The following CCDC85C variants were observed in gnomAD, a reference collection of about 807,000 sequenced individuals.
CCDC85C encodes the protein coiled-coil domain-containing protein 85C.
Under a neutral mutation model 38.3 loss-of-function variants are expected in CCDC85C, and 18 were observed. The ratio of observed to expected loss-of-function variants is 0.47; its 90% CI spans 0.33 to 0.70. The LOEUF (loss-of-function observed/expected upper bound fraction) is 0.70, where lower values mean the gene tolerates loss of function less well. Ranked by LOEUF, CCDC85C falls within the 30% of genes least tolerant of loss-of-function variation. CCDC85C has a pLI of 0.03. For missense variants in CCDC85C, 566 were observed against 621.2 expected (o/e 0.91, Z 0.94); for synonymous variants, 264 against 293.8 (o/e 0.90, Z 1.04).
chr14:99,534,988 G>T (rs1566764695), intron 2 of CCDC85C: 4 of 448,860 alleles, frequency 8.9e-6, no homozygotes, highest in Non-Finnish European at 4.0e-6. Flanking sequence ...ATCCCACCAG[G>T]CCCTGGGAAC....
chr14:99,517,636 G>A (rs1175092580), intron 3 of CCDC85C, among the ~76,000 whole-genome samples: 2 of 152,188 alleles, frequency 1.3e-5, no homozygotes, highest in African/African-American at 2.4e-5. Flanking sequence ...GGGCGAGGCC[G>A]GCTTCGCCCT....
chr14:99,565,949 C>T (rs563485721), intron 1 of CCDC85C, among the ~76,000 whole-genome samples: 6 of 152,336 alleles, frequency 3.9e-5, no homozygotes, highest in South Asian at 2.1e-4. Flanking sequence ...CTGCTGCGCC[C>T]GTCTGCTCCA....
At chr14:99,586,761 G>A (rs1467031789) in intron 1 of CCDC85C, among the ~76,000 whole-genome samples, 2 of 152,136 alleles carry the variant, frequency 1.3e-5, no homozygotes, top group Non-Finnish European at 2.9e-5. Flanking sequence ...TGTGTCGGCG[G>A]GGGACCCCCA....
At chr14:99,519,643 A>G (rs921138679) in intron 3 of CCDC85C, among the ~76,000 whole-genome samples, 2 of 152,160 alleles carry the variant, frequency 1.3e-5, no homozygotes, top group Non-Finnish European at 2.9e-5. Context: ...GAGCCCAAAC[A>G]TGGAAACGAT....
At chr14:99,550,570 G>A (rs749156880) in intron 1 of CCDC85C, among the ~76,000 whole-genome samples, 5 of 152,220 alleles carry the variant, frequency 3.3e-5, no homozygotes, top group Non-Finnish European at 7.3e-5. Context: ...ATGGCTGTGT[G>A]ACTTTAGGTT....
rs1372479261 is a variant in CCDC85C, at chr14:99,501,462, A to G, written c.*13784T>C. On this transcript the variant is annotated 3_prime_UTR_variant, in exon 6 of 6. Coordinates refer to ENST00000380243, the MANE Select transcript of CCDC85C (RefSeq NM_001144995.2). Reference sequence around the variant, plus strand: ...AATTACAGTATTTTAAAATAGGCAGAGACTTTATGGACCATTTCATCTAAA... The same window carrying G: ...AATTACAGTATTTTAAAATAGGCAGGGACTTTATGGACCATTTCATCTAAA... 1 of 1,212,752 alleles carries G rather than the reference A, an allele frequency of 8.2e-7. No individual in the cohort carries two copies. The highest frequency in any genetic ancestry group is 1.7e-5 in the Admixed American group (1 of 58,894). The allele number at this position is 1,212,752 out of a possible 1,614,324, so 75.1% of individuals were successfully genotyped here.
chr14:99,510,359 T>C lies in CCDC85C; in HGVS notation c.*4887A>G, dbSNP rs1457972802. 1.2e-5 allele frequency: 18 copies of C among 1,542,288 alleles called. No individual in the cohort carries two copies. In the East Asian group the frequency reaches 4.4e-4, roughly 38 times the overall value. ...TGTCCACCACCAGCTCCTACATGTC[T>C]GGAGAGGGCTACCAGAGCCTGCAGT... On this transcript the variant is annotated 3_prime_UTR_variant, in exon 6 of 6. Coordinates refer to ENST00000380243, the MANE Select transcript of CCDC85C (RefSeq NM_001144995.2).
In CCDC85C at chr14:99,511,149, G is replaced by C. The variant is rs534472378; in HGVS notation, c.*4097C>G. On this transcript the variant is annotated 3_prime_UTR_variant, in exon 6 of 6. Transcript: ENST00000380243. ...CTAGAAATCAGTGCCTATTTTTCCT[G>C]GAAACTCAATTTTAAATAGTCCAAT... The C allele has an allele frequency of 7.2e-5, 12 of 166,994 alleles. No individual in the cohort carries two copies. The East Asian group carries it at 1.9e-3, about 27-fold the overall frequency. 10.3% of individuals were successfully genotyped at this position (166,994 alleles called of 1,614,324 possible).
At position 99,572,638 on chromosome 14, in the gene CCDC85C, T is replaced by C; in HGVS notation, c.793+30529A>G. 4.4e-6 allele frequency: 2 copies of C among 454,812 alleles called. No homozygotes were observed. The highest frequency in any genetic ancestry group is 3.1e-5 in the South Asian group (2 of 64,492). 28.2% of individuals were successfully genotyped at this position (454,812 alleles called of 1,614,324 possible). On this transcript the variant is annotated intron_variant, in intron 1 of 5. Coordinates refer to ENST00000380243, the MANE Select transcript of CCDC85C (RefSeq NM_001144995.2). This position sits in a 1 kb window ranked among gnomAD's most constrained non-coding sequence, Gnocchi z 4.4. ...ACCTTCCAGGGACGACAGCTGCTTA[T>C]CATCCAAGCCCCAGGTGACCTGGCC... is the stretch of plus-strand genomic sequence containing the variant.
rs1346677417 is a variant in CCDC85C, at chr14:99,510,443, T to G, written c.*4803A>C. 2.0e-6 allele frequency: 3 copies of G among 1,521,474 alleles called. No individual in the cohort carries two copies. The highest frequency in any genetic ancestry group is 2.6e-6 in the Non-Finnish European group (3 of 1,135,686). The allele number at this position is 1,521,474 out of a possible 1,614,324, so 94.2% of individuals were successfully genotyped here. ...CCCTGCCCCCCGCCTACGGCCCACC[T>G]GCACACCTGCCCTACCACCCCCATG... On this transcript the variant is annotated 3_prime_UTR_variant, in exon 6 of 6. Transcript: ENST00000380243.
At position 99,503,085 on chromosome 14, in the gene CCDC85C, A is replaced by T. The variant is rs1485598337; in HGVS notation, c.*12161T>A. ...CTAAGCGAGCACAGGGAACACCGGA[A>T]GCAGGGGGTGTTCGCCGAAACTCGC... On this transcript the variant is annotated 3_prime_UTR_variant, in exon 6 of 6. Transcript: ENST00000380243. 4.5e-6 allele frequency: 6 copies of T among 1,338,614 alleles called. No individual in the cohort carries two copies. The highest frequency in any genetic ancestry group is 6.4e-6 in the Non-Finnish European group (6 of 932,166). The allele number at this position is 1,338,614 out of a possible 1,614,324, so 82.9% of individuals were successfully genotyped here. A position where few individuals can be genotyped will look rare whatever the true frequency, so the allele number is the denominator to read the frequency against.
intron 3 of CCDC85C, among the ~76,000 whole-genome samples, chr14:99,517,685 C>T (rs1897248279): frequency 6.6e-6 from 1 of 152,210 alleles, no homozygotes; most frequent in Non-Finnish European, 1.5e-5. Context: ...TGCCACCTCC[C>T]AGCCCTGCGG....
chr14:99,542,985 T>C (rs757802011), intron 1 of CCDC85C, among the ~76,000 whole-genome samples: 6 of 152,154 alleles, frequency 3.9e-5, no homozygotes, highest in Non-Finnish European at 8.8e-5. Flanking sequence ...GCCTACTCCC[T>C]GGATCCCAGC....
At chr14:99,574,490 G>T (rs541369385) in intron 1 of CCDC85C, among the ~76,000 whole-genome samples, 1 of 152,094 alleles carries the variant, frequency 6.6e-6, no homozygotes, top group Non-Finnish European at 1.5e-5. Context: ...CTCACAGGCC[G>T]AGGCACAGGG....
At chr14:99,534,724 C>T (rs768743400) in intron 2 of CCDC85C, 4 of 702,258 alleles carry the variant, frequency 5.7e-6, no homozygotes, top group Admixed American at 2.0e-5. Flanking sequence ...GGAAGGCTGG[C>T]GTCTAGGGAG....
chr14:99,601,664 C>T (rs1381030479), intron 1 of CCDC85C, among the ~76,000 whole-genome samples: 1 of 152,164 alleles, frequency 6.6e-6, no homozygotes, highest in Non-Finnish European at 1.5e-5. Flanking sequence ...GGCTGAGGTG[C>T]TCTGAACAGC....
intron 1 of CCDC85C, among the ~76,000 whole-genome samples, chr14:99,595,089 T>C (rs980041417): frequency 6.6e-6 from 1 of 152,168 alleles, no homozygotes; most frequent in Non-Finnish European, 1.5e-5. Context: ...TCAGGGACAG[T>C]AGAAGAGGCT....
chr14:99,598,537 C>T (rs71422779), intron 1 of CCDC85C, among the ~76,000 whole-genome samples: 2,430 of 152,284 alleles, frequency 0.016, 40 homozygotes, highest in Non-Finnish European at 0.025. Flanking sequence ...ACCGCCTTCC[C>T]CCACTCCTCC....
intron 1 of CCDC85C, among the ~76,000 whole-genome samples, chr14:99,570,234 G>T (rs1898309128): frequency 6.6e-6 from 1 of 152,216 alleles, no homozygotes; most frequent in Non-Finnish European, 1.5e-5. Context: ...TACCCCTGAG[G>T]AAAGAGGCAC....
Sources: allele counts gnomAD v4.1 joint callset (sites outside exome capture counted in the v4.1 genomes callset), GRCh38; gene constraint gnomAD v4.1.1; non-coding constraint Gnocchi (gnomAD v3.1); transcripts MANE v1.5; gene names NCBI Gene and HGNC (gene_info 2026-07-23, HGNC 2026-07-21).